The following CTXND1 variants were observed in gnomAD, a reference collection of about 807,000 sequenced individuals.
CTXND1 encodes cortexin domain containing 1.
chr15:80,223,120 C>T (rs1267684811), intron 1 of CTXND1, among the ~76,000 whole-genome samples: 1 of 151,898 alleles, frequency 6.6e-6, no homozygotes, highest in Non-Finnish European at 1.5e-5. Flanking sequence ...CTCTTGTTGC[C>T]CAGGCTGGAA....
intron 1 of CTXND1, among the ~76,000 whole-genome samples, chr15:80,220,538 AC>A (rs1893303770): frequency 6.6e-6 from 1 of 152,048 alleles, no homozygotes; most frequent in African/African-American, 2.4e-5. Context: ...GACTCCTTAC[AC>A]TTTTATATAT....
In CTXND1 at chr15:80,199,051, G is replaced by C. The variant is rs1205663654; in HGVS notation, c.*2719C>G. 6.6e-6 allele frequency: 1 copy of C among 152,162 alleles called. No individual in the cohort carries two copies. Among genetic ancestry groups the C allele is most frequent in the Non-Finnish European group, 1.5e-5 (1 of 68,032 alleles). 9.4% of individuals were successfully genotyped at this position (152,162 alleles called of 1,614,324 possible). A position where few individuals can be genotyped will look rare whatever the true frequency, so the allele number is the denominator to read the frequency against. On this transcript the variant is annotated 3_prime_UTR_variant, in exon 3 of 3. Coordinates refer to ENST00000560778, the MANE Select transcript of CTXND1 (RefSeq NM_001352888.2). ...ACAAAATGAAAATTGCTGTTTTTTG[G>C]AGGCTTGGGTTGGGAGTGCTTTTTA...
chr15:80,230,435 A>G (rs937549264), intron 1 of CTXND1, among the ~76,000 whole-genome samples: 3 of 152,132 alleles, frequency 2.0e-5, no homozygotes, highest in African/African-American at 7.2e-5. Flanking sequence ...TATTCCTGAT[A>G]TTGGTAATAT....
chr15:80,209,219 G>T (rs1893180155), intron 1 of CTXND1, among the ~76,000 whole-genome samples: 1 of 152,200 alleles, frequency 6.6e-6, no homozygotes, highest in Non-Finnish European at 1.5e-5. Context: ...AACCAGATTT[G>T]CTTTTCTGCC....
intron 1 of CTXND1, among the ~76,000 whole-genome samples, chr15:80,211,445 GAGA>G (rs1202180204): frequency 2.0e-5 from 3 of 152,190 alleles, no homozygotes; most frequent in Non-Finnish European, 4.4e-5. Flanking sequence ...GCTCAGGACA[GAGA>G]AGATGTTCAG....
intron 1 of CTXND1, among the ~76,000 whole-genome samples, chr15:80,240,455 C>T (rs919861202): frequency 5.9e-5 from 9 of 152,192 alleles, no homozygotes; most frequent in Non-Finnish European, 1.2e-4. Context: ...CAAGCCTGCA[C>T]TATTTGTTAA....
intron 1 of CTXND1, among the ~76,000 whole-genome samples, chr15:80,244,619 G>A (rs1203679017): frequency 6.6e-6 from 1 of 152,192 alleles, no homozygotes; most frequent in African/African-American, 2.4e-5. Flanking sequence ...GACTTGGGTG[G>A]CTTTGTATAG....
At chr15:80,243,200 G>C (rs1426329266) in intron 1 of CTXND1, among the ~76,000 whole-genome samples, 3 of 152,160 alleles carry the variant, frequency 2.0e-5, no homozygotes, top group Non-Finnish European at 2.9e-5. Flanking sequence ...GTCTCCTACA[G>C]GGCCTAGTTG....
intron 1 of CTXND1, among the ~76,000 whole-genome samples, chr15:80,232,719 T>C (rs1308111093): frequency 6.6e-6 from 1 of 152,166 alleles, no homozygotes; most frequent in Non-Finnish European, 1.5e-5. Context: ...CAGCAGGTAG[T>C]TTCTCTTTCA....
At chr15:80,249,169 T>C (rs928339245) in intron 1 of CTXND1, among the ~76,000 whole-genome samples, 1 of 152,150 alleles carries the variant, frequency 6.6e-6, no homozygotes, top group Non-Finnish European at 1.5e-5. Flanking sequence ...CCTAGGCTGG[T>C]CTCAAACTCC....
At chr15:80,244,112 T>C (rs1447074278) in intron 1 of CTXND1, among the ~76,000 whole-genome samples, 1 of 152,162 alleles carries the variant, frequency 6.6e-6, no homozygotes, top group Non-Finnish European at 1.5e-5. Flanking sequence ...AGGTGGGAAA[T>C]GGGAAGATCA....
In CTXND1 at chr15:80,217,523, T is replaced by TATTTATTTA. The variant is rs1465028352; in HGVS notation, c.-217-13792_-217-13784dup. Among the ~76,000 whole-genome samples, 95 of 74,744 alleles carry TATTTATTTA rather than the reference T, an allele frequency of 1.3e-3. 1 individual carries two copies. In the East Asian group the frequency reaches 0.022, roughly 17 times the overall value. 49.0% of individuals were successfully genotyped at this position (74,744 alleles called of 152,430 possible). The stretch of plus-strand genomic sequence containing the variant: ...TGTCTGTGCTCTCCAATAGCTTGCT[T>TATTTATTTA]ATTTATTTATTTATTTATTTATTTA... On this transcript the variant is annotated intron_variant, in intron 1 of 2. Coordinates refer to ENST00000560778, the MANE Select transcript of CTXND1 (RefSeq NM_001352888.2).
Position 80,247,925 on chromosome 15 carries a change from G to C in CTXND1, c.-218+4082C>G, listed in dbSNP as rs576903352. Among the ~76,000 whole-genome samples, 8 of 152,332 alleles carry C rather than the reference G, an allele frequency of 5.3e-5. No individual in the cohort carries two copies. The East Asian group carries it at 1.5e-3, about 29-fold the overall frequency. ...GAACCCAGGTCACTACTTGGGAGCT[G>C]AATCTATAATGACAATTTGTCAAGT... On this transcript the variant is annotated intron_variant, in intron 1 of 2. Coordinates refer to ENST00000560778, the MANE Select transcript of CTXND1 (RefSeq NM_001352888.2).
At chr15:80,244,939 T>C (rs1429717884) in intron 1 of CTXND1, among the ~76,000 whole-genome samples, 1 of 152,144 alleles carries the variant, frequency 6.6e-6, no homozygotes, top group East Asian at 1.9e-4. Context: ...AGCTAGTCCT[T>C]GGGTTTTGAA....
In CTXND1 at chr15:80,233,434, C is replaced by T. The variant is rs557651699; in HGVS notation, c.-218+18573G>A. Among the ~76,000 whole-genome samples the T allele has an allele frequency of 2.0e-5, 3 of 152,250 alleles. No individual in the cohort carries two copies. In the South Asian group the frequency reaches 6.2e-4, roughly 32 times the overall value. Reference sequence around the variant, plus strand: ...TCTTACTTTTGTTCTTACAGTTTCCCTCTCTAGGTATCCAAGCCTCCAATC... The same window carrying T: ...TCTTACTTTTGTTCTTACAGTTTCCTTCTCTAGGTATCCAAGCCTCCAATC... On this transcript the variant is annotated intron_variant, in intron 1 of 2. Transcript: ENST00000560778.
chr15:80,230,964 A>C (rs1893421790), intron 1 of CTXND1, among the ~76,000 whole-genome samples: 1 of 152,094 alleles, frequency 6.6e-6, no homozygotes, highest in African/African-American at 2.4e-5. Flanking sequence ...AGGCCGAGGA[A>C]GGAGAATCGC....
Position 80,206,802 on chromosome 15 carries a change from G to A in CTXND1, c.-217-3062C>T, listed in dbSNP as rs570249756. Reference sequence around the variant, plus strand: ...GTTCTGTTATTTCTACACGGTTAGGGGATGTAACATTTATATGTTGTTTTT... The same window carrying A: ...GTTCTGTTATTTCTACACGGTTAGGAGATGTAACATTTATATGTTGTTTTT... On this transcript the variant is annotated intron_variant, in intron 1 of 2. Coordinates refer to ENST00000560778, the MANE Select transcript of CTXND1 (RefSeq NM_001352888.2). Among the ~76,000 whole-genome samples the A allele has an allele frequency of 5.9e-5, 9 of 152,172 alleles. No individual in the cohort carries two copies. In the South Asian group the frequency reaches 1.7e-3, roughly 28 times the overall value.
chr15:80,219,902 G>C lies in CTXND1; in HGVS notation c.-217-16162C>G, dbSNP rs912809617. Among the ~76,000 whole-genome samples the C allele has an allele frequency of 3.3e-5, 5 of 151,748 alleles. No individual in the cohort carries two copies. The East Asian group carries it at 9.6e-4, about 29-fold the overall frequency. ...TCTTTATTCTAAATATCATTTCTTC[G>C]CTGGTCTTGTGCTTTGCCATTCTGC... On this transcript the variant is annotated intron_variant, in intron 1 of 2. Coordinates refer to ENST00000560778, the MANE Select transcript of CTXND1 (RefSeq NM_001352888.2).
intron 1 of CTXND1, among the ~76,000 whole-genome samples, chr15:80,230,280 G>T (rs757530717): frequency 3.3e-5 from 5 of 152,088 alleles, no homozygotes; most frequent in African/African-American, 4.8e-5. Context: ...AGGCGGGGGC[G>T]GTGTCTCCAT....
Sources: gnomAD v4.1 joint callset for allele counts (sites outside exome capture counted in the v4.1 genomes callset) on GRCh38, gnomAD v4.1.1 for gene constraint, MANE v1.5 for transcripts, NCBI Gene and HGNC (gene_info 2026-07-23, HGNC 2026-07-21) for gene names.